Variants in C19orf44 observed in about 807,000 individuals in gnomAD.
The protein encoded by C19orf44 is chromosome 19 open reading frame 44.
In C19orf44, 43 loss-of-function variants were observed where a neutral mutation model predicts 50.7. The ratio of observed to expected loss-of-function variants is 0.85; its 90% CI spans 0.66 to 1.09. The LOEUF is 1.09. Among genes scored for constraint, C19orf44 ranks in the 50% least tolerant of loss-of-function variants. The pLI is 0.00. For synonymous variants in C19orf44, 298 were observed against 334.7 expected (o/e 0.89, Z 1.20); for missense variants, 722 against 836.2 (o/e 0.86, Z 1.68).
At chr19:16,504,460 C>T (rs1168376651) in intron 3 of C19orf44, among the ~76,000 whole-genome samples, 1 of 152,140 alleles carries the variant, frequency 6.6e-6, no homozygotes, top group African/African-American at 2.4e-5. Flanking sequence ...ACAGTCTTCC[C>T]ACTCTTTCCC....
At position 16,517,228 on chromosome 19, in the gene C19orf44, A is replaced by G. The variant is rs758440743; in HGVS notation, c.1903-2A>G. On this transcript the variant is annotated splice_acceptor_variant, in intron 7 of 8. Transcript: ENST00000221671. LOFTEE classifies it high-confidence loss of function. Reference sequence around the variant, plus strand: ...TGGCGTGGTCTGTTCTCTGCCTGACAGTACATTAGGTGCCACAGACCTGCC... The same window carrying G: ...TGGCGTGGTCTGTTCTCTGCCTGACGGTACATTAGGTGCCACAGACCTGCC... The G allele has an allele frequency of 8.4e-5, 135 of 1,613,886 alleles. No homozygotes were observed. The highest frequency in any genetic ancestry group is 8.5e-7 in the Non-Finnish European group (1 of 1,179,914).
chr19:16,518,695 C>T (rs947916308), intron 8 of C19orf44: 11 of 169,800 alleles, frequency 6.5e-5, no homozygotes, highest in East Asian at 1.9e-4. Context: ...CCTACACAGC[C>T]GAGGGGAAGC....
Position 16,506,716 on chromosome 19 carries a change from T to C in C19orf44, c.1091T>C (p.Ile364Thr), listed in dbSNP as rs369491254. ...TTAATTACAGAGTTTAGAATAAATA[T>C]TTTATCGCTTGACGGTCTGGCTCCA... ...DDSLDEFRIN[I>T]LSLDGLAPAV... The change falls in exon 4 of 9, where the codon ATT (isoleucine) becomes ACT (threonine). Residue 364 changes from isoleucine (I) to threonine (T), a missense_variant. Physicochemically the swap from Ile to Thr is moderately conservative, Grantham distance 89 (BLOSUM62 -1). Transcript: ENST00000221671. The C allele has an allele frequency of 5.6e-6, 9 of 1,601,658 alleles. No homozygotes were observed. The African/African-American group carries it at 1.1e-4, about 19-fold the overall frequency.
At chr19:16,518,629 T>C (rs2085571912) in intron 8 of C19orf44, 1 of 153,758 alleles carries the variant, frequency 6.5e-6, no homozygotes, top group Admixed American at 6.5e-5. Flanking sequence ...AGTCAAAGTT[T>C]TGTGTTTCTG....
At position 16,520,052 on chromosome 19, in the gene C19orf44, C is replaced by T; in HGVS notation, c.*41-42C>T. The T allele has an allele frequency of 7.5e-7, 1 of 1,324,726 alleles. No homozygotes were observed. Among genetic ancestry groups the T allele is most frequent in the Non-Finnish European group, 1.1e-6 (1 of 937,166 alleles). The allele number at this position is 1,324,726 out of a possible 1,614,324, so 82.1% of individuals were successfully genotyped here. A position where few individuals can be genotyped will look rare whatever the true frequency, so the allele number is the denominator to read the frequency against. On this transcript the variant is annotated intron_variant, in intron 8 of 8. Coordinates refer to ENST00000221671, the MANE Select transcript of C19orf44 (RefSeq NM_032207.4). This position sits in a 1 kb window ranked among gnomAD's most constrained non-coding sequence, Gnocchi z 4.0. ...GTCCCCGGGCTAATGCTGGCGGCCTCCTAACACAGTCTCCTAACCACCAAT... is the reference window on the plus strand; with the variant it reads ...GTCCCCGGGCTAATGCTGGCGGCCTTCTAACACAGTCTCCTAACCACCAAT...
At position 16,520,798 on chromosome 19, in the gene C19orf44, C is replaced by A; in HGVS notation, c.*745C>A. ...TCACAAGCTGTGGACCCTGGCCCCC[C>A]GGCCACTGCAGACATCTGCGCTTTT... On this transcript the variant is annotated 3_prime_UTR_variant, in exon 9 of 9. Transcript: ENST00000221671. This position sits in a 1 kb window ranked among gnomAD's most constrained non-coding sequence, Gnocchi z 4.0. The A allele has an allele frequency of 6.2e-7, 1 of 1,602,470 alleles. No individual in the cohort carries two copies. Among genetic ancestry groups the A allele is most frequent in the South Asian group, 1.1e-5 (1 of 90,894 alleles).
intron 5 of C19orf44, among the ~76,000 whole-genome samples, chr19:16,511,830 T>G (rs1179537822): frequency 2.0e-5 from 3 of 151,788 alleles, no homozygotes; most frequent in Non-Finnish European, 2.9e-5. Context: ...GCCTGGCCAA[T>G]ATGGTGAAAC....
chr19:16,509,920 CAA>C lies in C19orf44; in HGVS notation c.1572_1573del (p.Arg525SerfsTer67). Reference sequence around the variant, plus strand: ...AGGAAAAAGTCGGGCAGGCACGTGACAAGAGTGCTTGTGAAGGACACAGCTGT... The same window carrying C: ...AGGAAAAAGTCGGGCAGGCACGTGACGAGTGCTTGTGAAGGACACAGCTGT... On this transcript the variant is annotated frameshift_variant, in exon 5 of 9. Coordinates refer to ENST00000221671, the MANE Select transcript of C19orf44 (RefSeq NM_032207.4). LOFTEE classifies it high-confidence loss of function. 6.2e-7 allele frequency: 1 copy of C among 1,614,264 alleles called. No homozygotes were observed. The highest frequency in any genetic ancestry group is 8.5e-7 in the Non-Finnish European group (1 of 1,180,048).
At chr19:16,512,892 C>T (rs1318310279) in intron 5 of C19orf44, 122 bp from the exon 6 acceptor site, 50 of 720,552 alleles carry the variant, frequency 6.9e-5, no homozygotes, top group Non-Finnish European at 9.5e-5. Context: ...GCAAGAGTGG[C>T]GATCACCTTC....
At position 16,519,135 on chromosome 19, in the gene C19orf44, C is replaced by T. The variant is rs199924064; in HGVS notation, c.*41-959C>T. On this transcript the variant is annotated intron_variant, in intron 8 of 8. Coordinates refer to ENST00000221671, the MANE Select transcript of C19orf44 (RefSeq NM_032207.4). The surrounding 1 kb of genome is among the most constrained non-coding windows in gnomAD (Gnocchi z 6.0). ...TCCCACAGCCGGCACCGCTGGCCAC[C>T]GGCGCGGCTCCCGGCATGGGCGCCT... is the stretch of plus-strand genomic sequence containing the variant. 479 of 1,601,052 alleles carry T rather than the reference C, an allele frequency of 3.0e-4. No homozygotes were observed. In the East Asian group the frequency reaches 3.1e-3, roughly 10 times the overall value.
intron 8 of C19orf44, among the ~76,000 whole-genome samples, chr19:16,517,672 C>T (rs143773855): frequency 3.3e-5 from 5 of 151,268 alleles, no homozygotes; most frequent in Middle Eastern, 3.4e-3. Flanking sequence ...AGAGCAGCTC[C>T]ACCCAGGCAG....
chr19:16,521,260 C>A lies in C19orf44; in HGVS notation c.*1207C>A. 1.8e-6 allele frequency: 1 copy of A among 568,030 alleles called. No individual in the cohort carries two copies. The allele number at this position is 568,030 out of a possible 1,614,324, so 35.2% of individuals were successfully genotyped here. On this transcript the variant is annotated 3_prime_UTR_variant, in exon 9 of 9. Coordinates refer to ENST00000221671, the MANE Select transcript of C19orf44 (RefSeq NM_032207.4). The stretch of plus-strand genomic sequence containing the variant: ...ACCACTGGGAAGGGTGGGCTGAGGG[C>A]CCTGTGGCAGCCGGCTGCTTGAGAC...
At chr19:16,500,085 C>T (rs10426525) in intron 1 of C19orf44, among the ~76,000 whole-genome samples, 18,887 of 152,088 alleles carry the variant, frequency 0.12, 1,235 homozygotes, top group Non-Finnish European at 0.14. Context: ...CCACGCCTGG[C>T]GCTTGACTAA....
chr19:16,514,010 C>T (rs955017395), intron 6 of C19orf44, among the ~76,000 whole-genome samples: 4 of 150,696 alleles, frequency 2.7e-5, no homozygotes, highest in African/African-American at 4.9e-5. Context: ...TTTTTTGAGA[C>T]GGAGTCTTGC....
chr19:16,519,387 G>A lies in C19orf44; in HGVS notation c.*41-707G>A. The A allele has an allele frequency of 3.1e-6, 5 of 1,596,670 alleles. No individual in the cohort carries two copies. The highest frequency in any genetic ancestry group is 4.3e-6 in the Non-Finnish European group (5 of 1,172,250). On this transcript the variant is annotated intron_variant, in intron 8 of 8. Coordinates refer to ENST00000221671, the MANE Select transcript of C19orf44 (RefSeq NM_032207.4). This position sits in a 1 kb window ranked among gnomAD's most constrained non-coding sequence, Gnocchi z 6.0. ...GAGACGCAGTCACAACCACAACAAG[G>A]CGGAGGCAGATGGGGGTGCACGTGG...
At chr19:16,517,181 T>C (rs761390817) in intron 7 of C19orf44, 49 bp from the exon 8 acceptor site, 5 of 1,540,124 alleles carry the variant, frequency 3.2e-6, no homozygotes, top group African/African-American at 2.7e-5. Context: ...TGTCTCAGAG[T>C]GTACTGAGGT....
At position 16,519,566 on chromosome 19, in the gene C19orf44, C is replaced by G. The variant is rs572490766; in HGVS notation, c.*41-528C>G. Reference sequence around the variant, plus strand: ...AGGAAGAGAAAGCGCTGGTGACTCCCGGGCCCAGCACGCGTGAGGACCCAT... The same window carrying G: ...AGGAAGAGAAAGCGCTGGTGACTCCGGGGCCCAGCACGCGTGAGGACCCAT... On this transcript the variant is annotated intron_variant, in intron 8 of 8. Coordinates refer to ENST00000221671, the MANE Select transcript of C19orf44 (RefSeq NM_032207.4). This position sits in a 1 kb window ranked among gnomAD's most constrained non-coding sequence, Gnocchi z 6.0. 6.7e-7 allele frequency: 1 copy of G among 1,493,736 alleles called. No individual in the cohort carries two copies. 92.5% of individuals were successfully genotyped at this position (1,493,736 alleles called of 1,614,324 possible).
chr19:16,504,295 C>T (rs888997190), intron 3 of C19orf44, among the ~76,000 whole-genome samples: 13 of 152,210 alleles, frequency 8.5e-5, no homozygotes, highest in Admixed American at 5.2e-4. Flanking sequence ...GGTTCAGGCA[C>T]TGGCCTCCAC....
intron 4 of C19orf44, among the ~76,000 whole-genome samples, chr19:16,509,039 C>T (rs1268731943): frequency 6.6e-6 from 1 of 152,110 alleles, no homozygotes; most frequent in African/African-American, 2.4e-5. Flanking sequence ...AGGCTGGTTT[C>T]AAACTCCCAA....
Sources: allele counts gnomAD v4.1 joint callset (sites outside exome capture counted in the v4.1 genomes callset), GRCh38; gene constraint gnomAD v4.1.1; non-coding constraint Gnocchi (gnomAD v3.1); transcripts MANE v1.5; gene names NCBI Gene and HGNC (gene_info 2026-07-23, HGNC 2026-07-21).